GRB10: variants seen among roughly 807,000 people sequenced by gnomAD.
The protein encoded by GRB10 is growth factor receptor-bound protein 10.
A neutral mutation model predicts 80.9 loss-of-function variants in GRB10; 20 were observed. The observed-to-expected ratio is 0.25, with a 90% CI of 0.17 to 0.36. The LOEUF is 0.36. Among genes scored for constraint, GRB10 ranks in the 10% least tolerant of loss-of-function variants. The pLI, the probability that GRB10 is intolerant of heterozygous loss-of-function variation, is 1.00. For synonymous variants in GRB10, 291 were observed against 291.5 expected, an observed-to-expected ratio of 1.00 and a Z score of 0.02; for missense variants, 548 against 747.7, an observed-to-expected ratio of 0.73 and a Z score of 3.12.
intron 7 of GRB10, among the ~76,000 whole-genome samples, chr7:50,663,959 C>A (rs2153631333): frequency 6.6e-6 from 1 of 152,310 alleles, no homozygotes; most frequent in African/African-American, 2.4e-5. Context: ...CTGAAATGTG[C>A]AAAATGTGGA....
At position 50,592,018 on chromosome 7, in the gene GRB10, C is replaced by T. The variant is rs1405848105; in HGVS notation, c.*934G>A. 1.3e-5 allele frequency: 2 copies of T among 152,244 alleles called. No homozygotes were observed. Among genetic ancestry groups the T allele is most frequent in the Non-Finnish European group, 2.9e-5 (2 of 68,062 alleles). 9.4% of individuals were successfully genotyped at this position (152,244 alleles called of 1,614,324 possible). The stretch of plus-strand genomic sequence containing the variant: ...TGATCGTTCTAGAACAGGCTGAAGG[C>T]TGTGGAAACGCAAGGCTGAAGTACC... On this transcript the variant is annotated 3_prime_UTR_variant, in exon 19 of 19. Coordinates refer to ENST00000401949, the MANE Select transcript of GRB10 (RefSeq NM_001350814.2).
At chr7:50,595,620 C>CACAT in intron 17 of GRB10, 90 bp from the exon 18 acceptor site, 1 of 767,294 alleles carries the variant, frequency 1.3e-6, no homozygotes, top group Admixed American at 1.8e-5. Flanking sequence ...CACACACACA[C>CACAT]ACACACACAC....
At position 50,755,955 on chromosome 7, in the gene GRB10, G is replaced by C; in HGVS notation, c.-115C>G. On this transcript the variant is annotated 5_prime_UTR_variant, in exon 3 of 19. Transcript: ENST00000401949. Reference sequence around the variant, plus strand: ...CCCTGGCTTCACTGAGAGGACCCAGGTGAGGACCTGGCTGCCGGTCACTGG... The same window carrying C: ...CCCTGGCTTCACTGAGAGGACCCAGCTGAGGACCTGGCTGCCGGTCACTGG... 7.5e-6 allele frequency: 3 copies of C among 399,064 alleles called. No homozygotes were observed. The highest frequency in any genetic ancestry group is 1.3e-5 in the Non-Finnish European group (3 of 226,446). The allele number at this position is 399,064 out of a possible 1,614,324, so 24.7% of individuals were successfully genotyped here.
chr7:50,777,887 G>A (rs181730978), intron 2 of GRB10, among the ~76,000 whole-genome samples: 1 of 152,222 alleles, frequency 6.6e-6, no homozygotes, highest in Non-Finnish European at 1.5e-5. Context: ...GACACAGGGA[G>A]GGGAATAACA....
At chr7:50,642,063 T>A (rs367769966) in intron 7 of GRB10, among the ~76,000 whole-genome samples, 1 of 152,198 alleles carries the variant, frequency 6.6e-6, no homozygotes, top group East Asian at 1.9e-4. Context: ...TAACCTAGCT[T>A]GCTGAGTGTC....
rs572984141 is a variant in GRB10, at chr7:50,603,587, A to G, written c.1544+411T>C. ...GCCACTCAACCAACAATGATACGTA[A>G]TTTATTTTTGTTGTTTTAAGCCACT... On this transcript the variant is annotated intron_variant, in intron 17 of 18. Transcript: ENST00000401949. Among the ~76,000 whole-genome samples the G allele has an allele frequency of 5.9e-5, 9 of 152,280 alleles. No individual in the cohort carries two copies. The South Asian group carries it at 1.0e-3, about 18-fold the overall frequency.
At chr7:50,750,487 G>A (rs1011089265) in intron 3 of GRB10, among the ~76,000 whole-genome samples, 2 of 152,122 alleles carry the variant, frequency 1.3e-5, no homozygotes, top group African/African-American at 4.8e-5. Flanking sequence ...CCATTTCAGG[G>A]CAATCCTGTT....
chr7:50,613,559 A>G (rs2715129), intron 12 of GRB10, among the ~76,000 whole-genome samples: 35,418 of 152,016 alleles, frequency 0.23, 4,593 homozygotes, highest in African/African-American at 0.35. Context: ...TGCTGGACAC[A>G]CCCCAGCTCT....
chr7:50,604,394 A>G lies in GRB10; in HGVS notation c.1390-17T>C, dbSNP rs939477891. 1 of 1,605,636 alleles carries G rather than the reference A, an allele frequency of 6.2e-7. No individual in the cohort carries two copies. The highest frequency in any genetic ancestry group is 1.7e-5 in the Admixed American group (1 of 60,010). ...GCTTCGCTTCTGCAAAAGAAATCCC[A>G]CATTAGCACCGAGGACAGCAGACAG... On this transcript the variant is annotated splice_polypyrimidine_tract_variant and intron_variant, in intron 15 of 18. Transcript: ENST00000401949.
At chr7:50,599,861 C>T (rs1240563084) in intron 17 of GRB10, among the ~76,000 whole-genome samples, 1 of 152,142 alleles carries the variant, frequency 6.6e-6, no homozygotes, top group Non-Finnish European at 1.5e-5. Context: ...CCAAGGCAGC[C>T]CTTTCAATCC....
intron 3 of GRB10, among the ~76,000 whole-genome samples, chr7:50,740,183 C>T (rs994242672): frequency 6.6e-6 from 1 of 152,228 alleles, no homozygotes; most frequent in Non-Finnish European, 1.5e-5. Context: ...ACACTGGCCC[C>T]CACTTGCCAG....
At chr7:50,760,095 T>C (rs2075590725) in intron 2 of GRB10, among the ~76,000 whole-genome samples, 1 of 152,166 alleles carries the variant, frequency 6.6e-6, no homozygotes, top group Admixed American at 6.5e-5. Flanking sequence ...CGTGCTTCCC[T>C]CTACGGCCAT....
intron 2 of GRB10, among the ~76,000 whole-genome samples, chr7:50,760,793 G>A (rs180763916): frequency 1.3e-5 from 2 of 152,182 alleles, no homozygotes; most frequent in African/African-American, 2.4e-5. Flanking sequence ...CTCCACAATC[G>A]AGCACACAGG....
intron 5 of GRB10, among the ~76,000 whole-genome samples, chr7:50,690,316 C>CAAAA (rs758730375): frequency 1.1e-4 from 6 of 52,206 alleles, no homozygotes; most frequent in Admixed American, 3.0e-4. Flanking sequence ...AACAAACAAA[C>CAAAA]AAACAAAAAA....
At position 50,619,153 on chromosome 7, in the gene GRB10, G is replaced by T; in HGVS notation, c.777+17C>A. On this transcript the variant is annotated intron_variant, in intron 9 of 18. Transcript: ENST00000401949. ...TTCAAGAGTCCCAAACCCCAAACCT[G>T]AAGAGGTAAGACTCACCATGGGATT... 1 of 1,425,910 alleles carries T rather than the reference G, an allele frequency of 7.0e-7. No individual in the cohort carries two copies. The highest frequency in any genetic ancestry group is 1.1e-5 in the South Asian group (1 of 87,352). 88.3% of individuals were successfully genotyped at this position (1,425,910 alleles called of 1,614,324 possible). A position where few individuals can be genotyped will look rare whatever the true frequency, so the allele number is the denominator to read the frequency against.
chr7:50,752,722 G>C (rs2074336578), intron 3 of GRB10, among the ~76,000 whole-genome samples: 1 of 152,238 alleles, frequency 6.6e-6, no homozygotes, highest in African/African-American at 2.4e-5. Flanking sequence ...CACAGGCCAA[G>C]AGCAGGAGAA....
chr7:50,775,858 C>A (rs912457666), intron 2 of GRB10, among the ~76,000 whole-genome samples: 2 of 152,318 alleles, frequency 1.3e-5, no homozygotes, highest in Non-Finnish European at 2.9e-5. Flanking sequence ...TGCACTTGAG[C>A]CCCCTTGAGC....
At chr7:50,698,741 A>G (rs1253809443) in intron 5 of GRB10, among the ~76,000 whole-genome samples, 2 of 152,270 alleles carry the variant, frequency 1.3e-5, no homozygotes, top group Non-Finnish European at 2.9e-5. Context: ...TCAATCCTCC[A>G]AACGCCTTGT....
chr7:50,674,990 C>G (rs2153641463), intron 5 of GRB10, among the ~76,000 whole-genome samples: 1 of 152,266 alleles, frequency 6.6e-6, no homozygotes, highest in South Asian at 2.1e-4. Context: ...CCGCACACAG[C>G]CACAGCTGCA....
Sources: allele counts gnomAD v4.1 joint callset (sites outside exome capture counted in the v4.1 genomes callset), GRCh38; gene constraint gnomAD v4.1.1; transcripts MANE v1.5; gene names NCBI Gene and HGNC (gene_info 2026-07-23, HGNC 2026-07-21).